The following TAF2 variants were observed in gnomAD, a reference collection of about 807,000 sequenced individuals.
TAF2 encodes the protein TATA-box binding protein associated factor 2, also known as transcription initiation factor TFIID subunit 2.
Under a neutral mutation model 138.5 loss-of-function variants are expected in TAF2, and 61 were observed. The observed-to-expected ratio is 0.44, with a 90% confidence interval of 0.36 to 0.54. The LOEUF (loss-of-function observed/expected upper bound fraction) is 0.54. Ranked by LOEUF, TAF2 falls within the 20% of genes least tolerant of loss-of-function variation. The probability of loss-of-function intolerance (pLI) is 0.00; values close to 1 mark genes in which losing one functional copy is unlikely to be tolerated. For missense variants in TAF2, 1,090 were observed against 1,427.9 expected (o/e 0.76, Z 3.81); for synonymous variants, 475 against 469.9 (o/e 1.01, Z -0.14).
intron 18 of TAF2, among the ~76,000 whole-genome samples, 164 bp downstream of exon 18, chr8:119,777,855 A>G (rs1822365388): frequency 6.6e-6 from 1 of 152,218 alleles, no homozygotes; most frequent in African/African-American, 2.4e-5. Flanking sequence ...ACATGCCTCT[A>G]TCTCTAGAAA....
chr8:119,734,187 T>G (rs778083586), intron 25 of TAF2, among the ~76,000 whole-genome samples: 4 of 152,136 alleles, frequency 2.6e-5, no homozygotes, highest in Non-Finnish European at 4.4e-5. Flanking sequence ...CTGCTTTTTA[T>G]CTGCTTAAAA....
intron 25 of TAF2, among the ~76,000 whole-genome samples, chr8:119,736,187 G>A (rs950265965): frequency 6.6e-6 from 1 of 152,186 alleles, no homozygotes; most frequent in Non-Finnish European, 1.5e-5. Context: ...CACTTCAAAA[G>A]TGAATCCAAT....
rs1253303215 is a variant in TAF2 at position 119,791,425 on chromosome 8, G to T, written c.1312C>A (p.Pro438Thr). The T allele has an allele frequency of 6.2e-7, 1 of 1,613,628 alleles. No homozygotes were observed. The highest frequency in any genetic ancestry group is 8.5e-7 in the Non-Finnish European group (1 of 1,179,804). The change falls in exon 11 of 26, where the codon CCA becomes ACA. Residue 438 changes from proline to threonine, a missense_variant. Pro to Thr is a conservative substitution (Grantham distance 38). Transcript: ENST00000378164. ...ASHLHFSIKH[P>T]HTLSWEYYSM... The stretch of plus-strand genomic sequence containing the variant: ...TAGTATTCCCAGGACAGTGTATGTG[G>T]ATGCTTTATTGAAAAGTGTAGATGG...
chr8:119,819,309 CTG>C lies in TAF2; in HGVS notation c.299+35_299+36del, dbSNP rs1825680155. 5 of 1,595,650 alleles carry C rather than the reference CTG, an allele frequency of 3.1e-6. No individual in the cohort carries two copies. In the East Asian group the frequency reaches 9.0e-5, roughly 29 times the overall value. ...AATCATTAAAAACATTTTTTCAAAA[CTG>C]TTAAAAATAGTGACTTTTAAAGTGC... On this transcript the variant is annotated intron_variant, in intron 3 of 25. Coordinates refer to ENST00000378164, the MANE Select transcript of TAF2 (RefSeq NM_003184.4).
chr8:119,810,645 CACTT>C (rs1169704507), intron 3 of TAF2, among the ~76,000 whole-genome samples: 1 of 152,168 alleles, frequency 6.6e-6, no homozygotes, highest in Non-Finnish European at 1.5e-5. Flanking sequence ...TCCTTGTCAG[CACTT>C]ACTTAACACA....
chr8:119,809,998 TAA>T (rs56281726), intron 3 of TAF2, among the ~76,000 whole-genome samples: 7 of 117,640 alleles, frequency 6.0e-5, no homozygotes, highest in African/African-American at 6.3e-5. Context: ...CTTCAATTTG[TAA>T]AAAAAAAAAA....
At chr8:119,786,747 C>T (rs896263560) in intron 14 of TAF2, among the ~76,000 whole-genome samples, 6 of 152,086 alleles carry the variant, frequency 3.9e-5, no homozygotes, top group Non-Finnish European at 8.8e-5. Flanking sequence ...CATGGTGAAA[C>T]CCTGTCTCTA....
rs536718244 is a variant in TAF2 at position 119,768,849 on chromosome 8, G to A, written c.2365-6241C>T. Among the ~76,000 whole-genome samples the A allele has an allele frequency of 7.9e-5, 12 of 152,276 alleles. No homozygotes were observed. The South Asian group carries it at 1.5e-3, about 18-fold the overall frequency. Reference sequence around the variant, plus strand: ...ATTGGGCTGAGTGAGGAGTTCCAGCGTGAAACCACTCCAGTGGAGAGCCAG... The same window carrying A: ...ATTGGGCTGAGTGAGGAGTTCCAGCATGAAACCACTCCAGTGGAGAGCCAG... On this transcript the variant is annotated intron_variant, in intron 18 of 25. Coordinates refer to ENST00000378164, the MANE Select transcript of TAF2 (RefSeq NM_003184.4).
chr8:119,765,159 T>C (rs1192464195), intron 18 of TAF2, among the ~76,000 whole-genome samples: 2 of 152,052 alleles, frequency 1.3e-5, no homozygotes, highest in Admixed American at 1.3e-4. Flanking sequence ...CAGATAATGA[T>C]TGAGAAAGTG....
intron 17 of TAF2, among the ~76,000 whole-genome samples, chr8:119,780,012 A>C (rs1822527753): frequency 6.6e-6 from 1 of 152,140 alleles, no homozygotes; most frequent in Admixed American, 6.5e-5. Flanking sequence ...CCTTTTCTCA[A>C]CCTTGCTTCA....
At chr8:119,788,478 T>A (rs776390264) in intron 13 of TAF2, 31 bp from the exon 14 acceptor site, 1 of 1,551,734 alleles carries the variant, frequency 6.4e-7, no homozygotes, top group South Asian at 1.1e-5. Context: ...TGTTCAGAGA[T>A]GTGATTTAAA....
In TAF2 at chr8:119,781,113, A is replaced by G. The variant is rs752295412; in HGVS notation, c.2193T>C (p.Ser731=). 2.5e-5 allele frequency: 40 copies of G among 1,614,044 alleles called. No homozygotes were observed. The Admixed American group carries it at 6.5e-4, about 26-fold the overall frequency. The stretch of plus-strand genomic sequence containing the variant: ...TGTTTGTTTTCACAATGTTTGGACA[A>G]CTTTTACAACAAAACATCCTAGTGA... ...SLFTRMFCCK[S]CPNIVKTNNF... The change falls in exon 17 of 26, where the codon AGT becomes AGC. Residue 731 remains serine, a synonymous_variant. Coordinates refer to ENST00000378164, the MANE Select transcript of TAF2 (RefSeq NM_003184.4).
chr8:119,818,867 G>GT (rs1825653696), intron 3 of TAF2, among the ~76,000 whole-genome samples: 1 of 152,152 alleles, frequency 6.6e-6, no homozygotes, highest in South Asian at 2.1e-4. Context: ...AATAGATGTA[G>GT]TATTTATCTA....
chr8:119,788,826 T>C lies in TAF2; in HGVS notation c.1647A>G (p.Lys549=), dbSNP rs746541682. ...GAGTTCCAGGAGATGTATAGTCCTG[T>C]TTTATTTCCAGTTCCAAGACATTTC... ...RKRNVLELEI[K]QDYTSPGTQK... The change falls in exon 13 of 26, where the codon AAA becomes AAG. Residue 549 remains lysine, a synonymous_variant. Transcript: ENST00000378164. 5 of 1,613,950 alleles carry C rather than the reference T, an allele frequency of 3.1e-6. No homozygotes were observed. The Admixed American group carries it at 5.0e-5, about 16-fold the overall frequency.
At chr8:119,753,454 AT>A (rs1586324676) in intron 22 of TAF2, among the ~76,000 whole-genome samples, 3 of 152,258 alleles carry the variant, frequency 2.0e-5, no homozygotes, top group East Asian at 3.9e-4. Flanking sequence ...CTATAAAAAC[AT>A]TTTTTTAACC....
intron 3 of TAF2, among the ~76,000 whole-genome samples, chr8:119,814,245 T>C (rs1174744714): frequency 6.6e-6 from 1 of 152,188 alleles, no homozygotes; most frequent in Non-Finnish European, 1.5e-5. Flanking sequence ...TGAACTCTAA[T>C]GTCCCTCCAA....
intron 6 of TAF2, among the ~76,000 whole-genome samples, chr8:119,798,240 CAGTT>C (rs1421335945): frequency 2.6e-5 from 4 of 152,046 alleles, no homozygotes; most frequent in African/African-American, 4.8e-5. Flanking sequence ...ATCTTATCAA[CAGTT>C]AATGTTAATC....
intron 3 of TAF2, among the ~76,000 whole-genome samples, chr8:119,813,885 G>A (rs1400067287): frequency 6.6e-6 from 1 of 152,156 alleles, no homozygotes. Context: ...GGAGACCAAG[G>A]CAGAAGGACC....
intron 18 of TAF2, among the ~76,000 whole-genome samples, chr8:119,772,962 CAATAAT>C (rs1212237726): frequency 2.0e-5 from 3 of 148,018 alleles, no homozygotes; most frequent in South Asian, 4.2e-4. Context: ...ATAATAATAA[CAATAAT>C]AATATTACTT....
Sources: gnomAD v4.1 joint callset for allele counts (sites outside exome capture counted in the v4.1 genomes callset) on GRCh38, gnomAD v4.1.1 for gene constraint, MANE v1.5 for transcripts, NCBI Gene and HGNC (gene_info 2026-07-23, HGNC 2026-07-21) for gene names.